GLDC: variants seen among roughly 807,000 people sequenced by gnomAD.
GLDC encodes the protein glycine dehydrogenase (decarboxylating), mitochondrial.
GLDC carries 104 observed loss-of-function variants against 121.3 expected under a neutral mutation model. That is an observed-to-expected ratio of 0.86 (90% CI 0.73 to 1.01). The LOEUF (loss-of-function observed/expected upper bound fraction) is 1.01, where lower values mean the gene tolerates loss of function less well. GLDC is among the 50% of genes least tolerant of loss of function. The pLI is 0.00. For synonymous variants in GLDC, 546 were observed against 480.6 expected, an observed-to-expected ratio of 1.14 and a Z score of -1.78; for missense variants, 1,429 against 1,306.6, an observed-to-expected ratio of 1.09 and a Z score of -1.44.
chr9:6,560,055 C>T lies in GLDC; in HGVS notation c.1927-1371G>A, dbSNP rs561751709. ...TGGAAGCTGGACAGTAGGTGCAATG[C>T]TAAAATTCTCAGACTCAAATCATCC... On this transcript the variant is annotated intron_variant, in intron 16 of 24. Transcript: ENST00000321612. 2.0e-5 allele frequency among the ~76,000 whole-genome samples: 3 copies of T among 152,282 alleles called. No individual in the cohort carries two copies. The East Asian group carries it at 5.8e-4, about 29-fold the overall frequency.
intron 3 of GLDC, among the ~76,000 whole-genome samples, chr9:6,617,754 C>T (rs1474274580): frequency 6.6e-6 from 1 of 152,180 alleles, no homozygotes; most frequent in Non-Finnish European, 1.5e-5. Flanking sequence ...TACGACAAAG[C>T]ACATGCACCC....
intron 21 of GLDC, among the ~76,000 whole-genome samples, chr9:6,542,619 C>T (rs1817291790): frequency 1.3e-5 from 2 of 151,938 alleles, no homozygotes; most frequent in African/African-American, 4.8e-5. Flanking sequence ...GGCATGGTAG[C>T]TCACACTTGT....
At chr9:6,557,957 GCA>G (rs1413977020) in intron 17 of GLDC, 1 of 174,186 alleles carries the variant, frequency 5.7e-6, no homozygotes, top group African/African-American at 2.4e-5. Flanking sequence ...GAAGGCAACT[GCA>G]CAGAGTTCAC....
chr9:6,538,764 G>C (rs1204470024), intron 22 of GLDC, among the ~76,000 whole-genome samples: 3 of 152,206 alleles, frequency 2.0e-5, no homozygotes, highest in Non-Finnish European at 4.4e-5. Flanking sequence ...GTGTGAAGTA[G>C]GCAAGGCATC....
chr9:6,565,725 G>A, intron 15 of GLDC: 1 of 577,872 alleles, frequency 1.7e-6, no homozygotes, highest in East Asian at 2.8e-5. Context: ...TTGTTATTAT[G>A]AAAAATTTCA....
Position 6,620,193 on chromosome 9 carries a change from T to A in GLDC, c.461A>T (p.Asn154Ile). The A allele has an allele frequency of 6.2e-7, 1 of 1,612,926 alleles. No individual in the cohort carries two copies. The highest frequency in any genetic ancestry group is 8.5e-7 in the Non-Finnish European group (1 of 1,179,850). ...CTGAGAAATACATTACCATCCTGAG[T>A]TCTCCAGTAAGTTCCGCAAAATCGT... ...PQTILRNLLE[N>I]SGWITQYTPY... is the part of the protein sequence containing the mutation. The change falls in exon 3 of 25, where the codon AAC becomes ATC. Residue 154 changes from asparagine to isoleucine, a missense_variant. Physicochemically the swap from Asn to Ile is moderately radical, Grantham distance 149 (BLOSUM62 -3). Transcript: ENST00000321612.
At chr9:6,577,716 G>A (rs571500577) in intron 15 of GLDC, among the ~76,000 whole-genome samples, 1 of 151,866 alleles carries the variant, frequency 6.6e-6, no homozygotes, top group Non-Finnish European at 1.5e-5. Flanking sequence ...CACACACGCA[G>A]TTTTACGCAG....
rs10975690 is a variant in GLDC, at chr9:6,613,082, A to G, written c.471-2726T>C. ...TGGGAGGTAAGATGATTAACACTAA[A>G]TTTTCTTTTTATTGTATGTTCCAAA... On this transcript the variant is annotated intron_variant, in intron 3 of 24. Coordinates refer to ENST00000321612, the MANE Select transcript of GLDC (RefSeq NM_000170.3). 7.7e-3 allele frequency among the ~76,000 whole-genome samples: 1,171 copies of G among 152,164 alleles called. 10 individuals are homozygous for G. Among genetic ancestry groups the G allele is most frequent in the Non-Finnish European group, 0.013 (890 of 67,988 alleles).
At chr9:6,609,843 C>T (rs2129914949) in intron 4 of GLDC, among the ~76,000 whole-genome samples, 1 of 152,272 alleles carries the variant, frequency 6.6e-6, no homozygotes, top group Non-Finnish European at 1.5e-5. Flanking sequence ...GCTGCTTCCC[C>T]AAGCCAGCAC....
Position 6,645,455 on chromosome 9 carries a change from C to T in GLDC, c.45G>A (p.Gly15=), listed in dbSNP as rs577986419. 2.3e-5 allele frequency: 29 copies of T among 1,254,594 alleles called. No individual in the cohort carries two copies. The South Asian group carries it at 7.6e-4, about 33-fold the overall frequency. 77.7% of individuals were successfully genotyped at this position (1,254,594 alleles called of 1,614,324 possible). A position where few individuals can be genotyped will look rare whatever the true frequency, so the allele number is the denominator to read the frequency against. ...ARAWGLRLGR[G]VGGGRRLAGG... ...CAGCCAGGCGGCGGCCGCCCCCGAC[C>T]CCGCGGCCCAGGCGCAGCCCCCACG... The change falls in exon 1 of 25, where the codon GGG becomes GGA. Residue 15 remains glycine, a synonymous_variant. Transcript: ENST00000321612.
intron 3 of GLDC, among the ~76,000 whole-genome samples, chr9:6,612,576 T>A (rs1818880691): frequency 6.6e-6 from 1 of 151,728 alleles, no homozygotes; most frequent in Non-Finnish European, 1.5e-5. Context: ...TACAAAAAAA[T>A]CAGGCCAGGC....
rs778697867 is a variant in GLDC, at chr9:6,588,669, C to G, written c.1614G>C (p.Met538Ile). Reference sequence around the variant, plus strand: ...AAATGTCTTTATTTTCCAGTTTCTTCATGTACCGGACAATGTTTGTTTCAG... The same window carrying G: ...AAATGTCTTTATTTTCCAGTTTCTTGATGTACCGGACAATGTTTGTTTCAG... Reference protein sequence around the residue: ...YHSETNIVRYMKKLENKDISL... With the variant: ...YHSETNIVRYIKKLENKDISL... Residue 538 changes from methionine to isoleucine, a missense_variant, in exon 13 of 25, where the codon ATG (methionine) becomes ATC (isoleucine). By Grantham distance (10) the Met-to-Ile change is conservative. Coordinates refer to ENST00000321612, the MANE Select transcript of GLDC (RefSeq NM_000170.3). The G allele has an allele frequency of 6.2e-7, 1 of 1,613,564 alleles. No individual in the cohort carries two copies. The highest frequency in any genetic ancestry group is 8.5e-7 in the Non-Finnish European group (1 of 1,179,514).
intron 8 of GLDC, among the ~76,000 whole-genome samples, chr9:6,596,984 T>C (rs1296519656): frequency 6.6e-6 from 1 of 152,188 alleles, no homozygotes; most frequent in Non-Finnish European, 1.5e-5. Flanking sequence ...TGTTTACCAA[T>C]TGATGAATGG....
chr9:6,557,492 G>A (rs1215022092), intron 17 of GLDC, among the ~76,000 whole-genome samples: 1 of 152,162 alleles, frequency 6.6e-6, no homozygotes, highest in Non-Finnish European at 1.5e-5. Flanking sequence ...TAATCAGGAG[G>A]CTGAGGCAGG....
chr9:6,616,915 C>T (rs1405359440), intron 3 of GLDC, among the ~76,000 whole-genome samples: 2 of 152,108 alleles, frequency 1.3e-5, no homozygotes, highest in Non-Finnish European at 2.9e-5. Flanking sequence ...TTTAATCCTG[C>T]TGACAAAAAT....
At chr9:6,564,519 C>T (rs1295235507) in intron 16 of GLDC, among the ~76,000 whole-genome samples, 3 of 152,226 alleles carry the variant, frequency 2.0e-5, no homozygotes, top group African/African-American at 7.2e-5. Context: ...CAGCACCACC[C>T]TATCCCCTTT....
At position 6,605,290 on chromosome 9, in the gene GLDC, GACA is replaced by G. The variant is rs780790361; in HGVS notation, c.714-15_714-13del. ...GGACTCCAGTATATCTGGAAAGACA[GACA>G]ACAAAGAACAATCGTGCTTTCGGTT... On this transcript the variant is annotated splice_polypyrimidine_tract_variant and intron_variant, in intron 5 of 24. Coordinates refer to ENST00000321612, the MANE Select transcript of GLDC (RefSeq NM_000170.3). The G allele has an allele frequency of 8.3e-5, 134 of 1,613,222 alleles. No homozygotes were observed. The African/African-American group carries it at 1.8e-3, about 21-fold the overall frequency.
chr9:6,614,908 A>C (rs1818937982), intron 3 of GLDC, among the ~76,000 whole-genome samples: 1 of 152,218 alleles, frequency 6.6e-6, no homozygotes, highest in Admixed American at 6.5e-5. Flanking sequence ...TACTATAGGC[A>C]ATTGTACAAC....
intron 11 of GLDC, 105 bp downstream of exon 11, chr9:6,592,038 C>G (rs774259020): frequency 6.5e-6 from 5 of 765,330 alleles, no homozygotes; most frequent in Non-Finnish European, 1.2e-5. Flanking sequence ...AACAAGCTAC[C>G]AGTGTCACAC....
Sources: allele counts gnomAD v4.1 joint callset (sites outside exome capture counted in the v4.1 genomes callset), GRCh38; gene constraint gnomAD v4.1.1; transcripts MANE v1.5; gene names NCBI Gene and HGNC (gene_info 2026-07-23, HGNC 2026-07-21).